The following MAIP1 variants were observed in gnomAD, a reference collection of about 807,000 sequenced individuals.
The protein encoded by MAIP1 is m-AAA protease-interacting protein 1, mitochondrial.
In MAIP1, 28 loss-of-function variants were observed where a neutral mutation model predicts 31.2. The ratio of observed to expected loss-of-function variants is 0.90; its 90% CI spans 0.67 to 1.23. The LOEUF is 1.23. Among genes scored for constraint, MAIP1 ranks in the 50% most tolerant of loss-of-function variants. The pLI is 0.00. For missense variants in MAIP1, 339 were observed against 356.0 expected (o/e 0.95, Z 0.38); for synonymous variants, 142 against 142.3 (o/e 1.00, Z 0.02).
chr2:199,959,269 C>CT lies in MAIP1; in HGVS notation c.456dup (p.Ala153CysfsTer11), dbSNP rs1559312293. 1 of 1,553,764 alleles carries CT rather than the reference C, an allele frequency of 6.4e-7. No individual in the cohort carries two copies. Among genetic ancestry groups the CT allele is most frequent in the Non-Finnish European group, 8.9e-7 (1 of 1,126,676 alleles). ...ACTTCCCTTAATATTTTTTTCAAGG[C>CT]TTTTGCTCATGTATCCAAGTTGCTG... On this transcript the variant is annotated frameshift_variant and splice_region_variant, in exon 2 of 5. Coordinates refer to ENST00000392290, the MANE Select transcript of MAIP1 (RefSeq NM_001394955.1). LOFTEE classifies it high-confidence loss of function.
Position 199,959,319 on chromosome 2 carries a change from G to A in MAIP1, c.502G>A (p.Glu168Lys), listed in dbSNP as rs1411160333. The A allele has an allele frequency of 6.3e-7, 1 of 1,593,816 alleles. No individual in the cohort carries two copies. Among genetic ancestry groups the A allele is most frequent in the Admixed American group, 1.7e-5 (1 of 59,938 alleles). ...GTCACAGTGTAAATTTGATCTGTTG[G>A]AAGAACTTGTGGCCAAAGAGGTAAA... ...LLSQCKFDLL[E>K]ELVAKEVLHA... is the part of the protein sequence containing the mutation. The change falls in exon 2 of 5, where the codon GAA (glutamate) becomes AAA (lysine). Residue 168 changes from glutamate to lysine, a missense_variant. Glu to Lys is a moderately conservative substitution (Grantham distance 56). Transcript: ENST00000392290.
chr2:199,959,681 T>C (rs1178291613), intron 2 of MAIP1, 73 bp from the exon 3 acceptor site: 1 of 1,319,412 alleles, frequency 7.6e-7, no homozygotes, highest in Non-Finnish European at 1.1e-6. Context: ...ATGTATTCCA[T>C]GATAAAGATC....
rs1206900851 is a variant in MAIP1, at chr2:199,955,762, A to G, written c.-37A>G. 1 of 1,502,692 alleles carries G rather than the reference A, an allele frequency of 6.7e-7. No homozygotes were observed. The highest frequency in any genetic ancestry group is 1.4e-5 in the African/African-American group (1 of 71,516). 93.1% of individuals were successfully genotyped at this position (1,502,692 alleles called of 1,614,324 possible). A position where few individuals can be genotyped will look rare whatever the true frequency, so the allele number is the denominator to read the frequency against. On this transcript the variant is annotated 5_prime_UTR_variant, in exon 1 of 5. The change creates a new upstream start codon in the 5' untranslated region. Transcript: ENST00000392290. ...GGTTTCCCACCGACTTCCTTTCCAT[A>G]CAGCACCGGCAGGCACCGGTGTGAA... is the stretch of plus-strand genomic sequence containing the variant.
Position 199,955,894 on chromosome 2 carries a change from G to A in MAIP1, c.96G>A (p.Val32=), listed in dbSNP as rs1445173801. Residue 32 remains valine, a synonymous_variant, in exon 1 of 5, where the codon GTG becomes GTA. Coordinates refer to ENST00000392290, the MANE Select transcript of MAIP1 (RefSeq NM_001394955.1). ...VRLRTPAVAE[V]RLPSATLCYF... Reference sequence around the variant, plus strand: ...TCCGGACTCCTGCTGTGGCCGAGGTGAGGCTGCCGTCGGCCACACTTTGCT... The same window carrying A: ...TCCGGACTCCTGCTGTGGCCGAGGTAAGGCTGCCGTCGGCCACACTTTGCT... 1 of 1,570,260 alleles carries A rather than the reference G, an allele frequency of 6.4e-7. No homozygotes were observed. Among genetic ancestry groups the A allele is most frequent in the Non-Finnish European group, 8.6e-7 (1 of 1,157,186 alleles).
intron 1 of MAIP1, among the ~76,000 whole-genome samples, chr2:199,956,581 C>T (rs991223956): frequency 6.6e-6 from 1 of 152,160 alleles, no homozygotes; most frequent in Non-Finnish European, 1.5e-5. Flanking sequence ...AGCTATATGG[C>T]TCATCTTGTC....
At chr2:199,956,269 G>A (rs1365908477) in intron 1 of MAIP1, 21 bp downstream of exon 1, 1 of 1,573,792 alleles carries the variant, frequency 6.4e-7, no homozygotes, top group African/African-American at 1.3e-5. Context: ...TTCCCTGATT[G>A]ACCTATCCGT....
intron 3 of MAIP1, 145 bp downstream of exon 3, chr2:199,960,025 C>A: frequency 1.4e-6 from 1 of 740,162 alleles, no homozygotes; most frequent in Non-Finnish European, 2.1e-6. Context: ...CTTTAAAGAC[C>A]TACTTCTGAA....
intron 1 of MAIP1, among the ~76,000 whole-genome samples, chr2:199,956,990 A>G (rs917892809): frequency 5.4e-5 from 8 of 148,640 alleles, no homozygotes; most frequent in African/African-American, 1.7e-4. Context: ...CCCTTGTGAC[A>G]TATGGTCACT....
At chr2:199,957,284 C>G (rs2077612524) in intron 1 of MAIP1, among the ~76,000 whole-genome samples, 1 of 152,142 alleles carries the variant, frequency 6.6e-6, no homozygotes, top group Non-Finnish European at 1.5e-5. Flanking sequence ...CCCACCTACT[C>G]TGGAGGCTGA....
rs776804166 is a variant in MAIP1 at position 199,955,866 on chromosome 2, G to A, written c.68G>A (p.Arg23Gln). ...HSRSLPCGAV[R>Q]LRTPAVAEVR... ...CGGTCGCTGCCCTGCGGGGCCGTCC[G>A]ACTCCGGACTCCTGCTGTGGCCGAG... The change falls in exon 1 of 5, where the codon CGA (arginine) becomes CAA (glutamine). Residue 23 changes from arginine (R) to glutamine (Q), a missense_variant. Physicochemically the swap from Arg to Gln is conservative, Grantham distance 43. Transcript: ENST00000392290. The A allele has an allele frequency of 1.3e-6, 2 of 1,532,550 alleles. No homozygotes were observed. The highest frequency in any genetic ancestry group is 1.3e-5 in the South Asian group (1 of 77,654). 94.9% of individuals were successfully genotyped at this position (1,532,550 alleles called of 1,614,324 possible). A position where few individuals can be genotyped will look rare whatever the true frequency, so the allele number is the denominator to read the frequency against.
chr2:199,955,761 T>C lies in MAIP1; in HGVS notation c.-38T>C. 6.7e-7 allele frequency: 1 copy of C among 1,502,482 alleles called. No homozygotes were observed. Among genetic ancestry groups the C allele is most frequent in the Non-Finnish European group, 8.9e-7 (1 of 1,125,080 alleles). 93.1% of individuals were successfully genotyped at this position (1,502,482 alleles called of 1,614,324 possible). On this transcript the variant is annotated 5_prime_UTR_variant, in exon 1 of 5. Transcript: ENST00000392290. Reference sequence around the variant, plus strand: ...CGGTTTCCCACCGACTTCCTTTCCATACAGCACCGGCAGGCACCGGTGTGA... The same window carrying C: ...CGGTTTCCCACCGACTTCCTTTCCACACAGCACCGGCAGGCACCGGTGTGA...
chr2:199,955,343 A>T, upstream of MAIP1: 3 of 1,594,706 alleles, frequency 1.9e-6, no homozygotes, highest in Non-Finnish European at 2.6e-6. Context: ...AAAGGTAAAG[A>T]CGTGTCTCTC....
At chr2:199,957,127 A>G (rs889404990) in intron 1 of MAIP1, among the ~76,000 whole-genome samples, 3 of 149,836 alleles carry the variant, frequency 2.0e-5, no homozygotes, top group Non-Finnish European at 2.9e-5. Flanking sequence ...TCGGCCAGGC[A>G]TGGCGGCTCA....
chr2:199,955,445 G>T (rs1320862839), upstream of MAIP1: 2 of 1,613,836 alleles, frequency 1.2e-6, no homozygotes, highest in Non-Finnish European at 1.7e-6. Context: ...CTCCAGCCGG[G>T]GTACCGGGAG....
intron 3 of MAIP1, among the ~76,000 whole-genome samples, chr2:199,960,151 G>T (rs940702735): frequency 6.6e-6 from 1 of 152,122 alleles, no homozygotes; most frequent in South Asian, 2.1e-4. Context: ...AGTTTGAGTG[G>T]CTCCCACGTC....
intron 3 of MAIP1, among the ~76,000 whole-genome samples, chr2:199,960,180 T>G (rs2077628774): frequency 6.6e-6 from 1 of 152,220 alleles, no homozygotes; most frequent in Non-Finnish European, 1.5e-5. Flanking sequence ...AAAATATTTA[T>G]GTTTCAGATT....
upstream of MAIP1, chr2:199,955,514 T>C: frequency 6.3e-7 from 1 of 1,599,636 alleles, no homozygotes; most frequent in Non-Finnish European, 8.5e-7. Context: ...GAACTTCGGC[T>C]CTAAAGCGTT....
At chr2:199,957,974 C>T (rs1195443345) in intron 1 of MAIP1, among the ~76,000 whole-genome samples, 1 of 152,216 alleles carries the variant, frequency 6.6e-6, no homozygotes, top group Non-Finnish European at 1.5e-5. Flanking sequence ...CACAGAGGAG[C>T]ATGCAGCATT....
At chr2:199,961,216 A>AT (rs566634575) in intron 3 of MAIP1, among the ~76,000 whole-genome samples, 95 of 152,276 alleles carry the variant, frequency 6.2e-4, no homozygotes, top group Middle Eastern at 3.4e-3. Flanking sequence ...TAATCCTAGC[A>AT]TTTTGGGAGG....
Sources: allele counts gnomAD v4.1 joint callset (sites outside exome capture counted in the v4.1 genomes callset), GRCh38; gene constraint gnomAD v4.1.1; transcripts MANE v1.5; gene names NCBI Gene and HGNC (gene_info 2026-07-23, HGNC 2026-07-21).